Variants in KALRN observed in about 807,000 individuals in gnomAD.
The protein encoded by KALRN is kalirin RhoGEF kinase.
KALRN carries 70 observed loss-of-function variants against 353.7 expected under a neutral mutation model. The observed-to-expected ratio is 0.20, with a 90% CI of 0.16 to 0.24. The LOEUF (loss-of-function observed/expected upper bound fraction) is 0.24. Among genes scored for constraint, KALRN ranks in the 10% least tolerant of loss-of-function variants. KALRN has a pLI of 1.00. For synonymous variants in KALRN, 1,391 were observed against 1,434.8 expected, an observed-to-expected ratio of 0.97 and a Z score of 0.69; for missense variants, 2,791 against 3,756.7, an observed-to-expected ratio of 0.74 and a Z score of 6.72.
In KALRN at chr3:124,298,920, T is replaced by G; in HGVS notation, c.1092+7T>G. ...CTTTGCCATGAACTCCATGGTGAGC[T>G]GAGGGGCTGTTCTCAGCACTGCCTC... On this transcript the variant is annotated splice_region_variant and intron_variant, in intron 6 of 59. Transcript: ENST00000682506. 1.2e-6 allele frequency: 2 copies of G among 1,614,102 alleles called. No individual in the cohort carries two copies. The highest frequency in any genetic ancestry group is 3.3e-4 in the Middle Eastern group (2 of 6,062).
At chr3:124,229,904 C>G (rs973363454) in intron 2 of KALRN, among the ~76,000 whole-genome samples, 8 of 152,234 alleles carry the variant, frequency 5.3e-5, no homozygotes, top group African/African-American at 1.7e-4. Context: ...AGGTAATGAG[C>G]CCCCTGCCAC....
At chr3:124,215,753 A>T (rs905562763) in intron 1 of KALRN, among the ~76,000 whole-genome samples, 2 of 152,154 alleles carry the variant, frequency 1.3e-5, no homozygotes, top group African/African-American at 2.4e-5. Flanking sequence ...CCCTCAAGAC[A>T]TGCTTGTCCT....
At chr3:124,408,186 T>G (rs2091782262) in intron 13 of KALRN, among the ~76,000 whole-genome samples, 2 of 2,068 alleles carry the variant, frequency 9.7e-4, no homozygotes, top group South Asian at 0.25. Flanking sequence ...TTTCTTGGTC[T>G]GCTAAAAAAA....
At position 124,476,212 on chromosome 3, in the gene KALRN, G is replaced by A. The variant is rs375846336; in HGVS notation, c.4102-1033G>A. Among the ~76,000 whole-genome samples the A allele has an allele frequency of 2.0e-5, 3 of 151,748 alleles. No homozygotes were observed. The South Asian group carries it at 6.3e-4, about 32-fold the overall frequency. On this transcript the variant is annotated intron_variant, in intron 26 of 59. Coordinates refer to ENST00000682506, the MANE Select transcript of KALRN (RefSeq NM_001388419.1). ...AAATGAAGGGTAGAAGAAGTTGTTT[G>A]TTATGTATTGAAAGGCAGTGGTCAA...
At chr3:124,087,954 A>C (rs2060910793) in intron 1 of KALRN, among the ~76,000 whole-genome samples, 1 of 152,230 alleles carries the variant, frequency 6.6e-6, no homozygotes, top group South Asian at 2.1e-4. Context: ...TCCTTCTACT[A>C]CTGTTGCTCA....
At chr3:124,454,349 A>T (rs758079154) in intron 21 of KALRN, among the ~76,000 whole-genome samples, 2 of 152,178 alleles carry the variant, frequency 1.3e-5, no homozygotes, top group Non-Finnish European at 2.9e-5. Context: ...AGCCTCTCTA[A>T]GCCTCAGATT....
At chr3:124,140,273 A>G (rs2066461014) in intron 1 of KALRN, among the ~76,000 whole-genome samples, 1 of 152,234 alleles carries the variant, frequency 6.6e-6, no homozygotes, top group Admixed American at 6.5e-5. Context: ...TACGGCTGGT[A>G]ACAACTCACT....
At chr3:124,415,284 C>T (rs139127671) in intron 14 of KALRN, among the ~76,000 whole-genome samples, 1 of 152,228 alleles carries the variant, frequency 6.6e-6, no homozygotes, top group Non-Finnish European at 1.5e-5. Flanking sequence ...ACTTGGGCAA[C>T]AGCAAAAAGC....
intron 7 of KALRN, among the ~76,000 whole-genome samples, chr3:124,328,382 G>A (rs184816240): frequency 1.7e-4 from 26 of 152,226 alleles, no homozygotes; most frequent in African/African-American, 6.0e-4. Context: ...TGTCTCTCTG[G>A]CATTATCTCC....
chr3:124,044,847 CTCCCTCCCTCCCTCCTTCCT>C (rs2040301909), intron 1 of KALRN, among the ~76,000 whole-genome samples: 2 of 72,606 alleles, frequency 2.8e-5, no homozygotes, highest in African/African-American at 4.6e-5. Flanking sequence ...CCCTCCCTCC[CTCCCTCCCTCCCTCCTTCCT>C]TCCTTCCTTC....
At chr3:124,373,316 T>C (rs1450473408) in intron 10 of KALRN, among the ~76,000 whole-genome samples, 1 of 152,132 alleles carries the variant, frequency 6.6e-6, no homozygotes, top group African/African-American at 2.4e-5. Context: ...CATCTGACAG[T>C]AGCTGGGGAC....
chr3:124,637,999 G>C (rs1313512061), intron 37 of KALRN, among the ~76,000 whole-genome samples: 2 of 152,200 alleles, frequency 1.3e-5, no homozygotes, highest in African/African-American at 4.8e-5. Context: ...GGATGGAGCT[G>C]TTCCTCCACT....
intron 1 of KALRN, among the ~76,000 whole-genome samples, chr3:124,183,514 G>C (rs1013165621): frequency 3.3e-5 from 5 of 152,108 alleles, no homozygotes; most frequent in Non-Finnish European, 7.3e-5. Context: ...TTCCCACCAG[G>C]CCCTGTCTCC....
chr3:124,562,783 A>G, intron 33 of KALRN, 60 bp from the exon 34 acceptor site: 2 of 1,259,080 alleles, frequency 1.6e-6, no homozygotes, highest in Non-Finnish European at 2.1e-6. Flanking sequence ...CCTCTCCCAT[A>G]TTTCTCCCCC....
At chr3:124,249,547 A>G (rs2070821394) in intron 3 of KALRN, among the ~76,000 whole-genome samples, 2 of 152,122 alleles carry the variant, frequency 1.3e-5, no homozygotes, top group Middle Eastern at 3.2e-3. Context: ...TGGCTAGGGT[A>G]CCAGTCCTGA....
chr3:124,385,719 C>T (rs924358591), intron 11 of KALRN, among the ~76,000 whole-genome samples: 1 of 152,154 alleles, frequency 6.6e-6, no homozygotes, highest in Non-Finnish European at 1.5e-5. Context: ...TGTTAAGCTG[C>T]GGCAAGAGCA....
chr3:124,574,272 T>C (rs1378112018), intron 34 of KALRN, among the ~76,000 whole-genome samples: 1 of 152,234 alleles, frequency 6.6e-6, no homozygotes, highest in Non-Finnish European at 1.5e-5. Context: ...CAAGTAGAAC[T>C]GAAGCAGGAA....
At chr3:124,510,641 CA>C (rs2065799272) in intron 33 of KALRN, among the ~76,000 whole-genome samples, 1 of 152,112 alleles carries the variant, frequency 6.6e-6, no homozygotes, top group African/African-American at 2.4e-5. Flanking sequence ...AGTCCATCCA[CA>C]AGTTCTGGAT....
intron 17 of KALRN, among the ~76,000 whole-genome samples, chr3:124,437,062 T>C (rs2093490348): frequency 6.7e-6 from 1 of 150,316 alleles, no homozygotes; most frequent in Non-Finnish European, 1.5e-5. Flanking sequence ...GATCTTCTCA[T>C]GTGATGCTAG....
Sources: gnomAD v4.1 joint callset for allele counts (sites outside exome capture counted in the v4.1 genomes callset) on GRCh38, gnomAD v4.1.1 for gene constraint, MANE v1.5 for transcripts, NCBI Gene and HGNC (gene_info 2026-07-23, HGNC 2026-07-21) for gene names.